IPO11: variants seen among roughly 807,000 people sequenced by gnomAD.
IPO11 encodes the protein importin-11.
Under a neutral mutation model 143.2 loss-of-function variants are expected in IPO11, and 66 were observed. The observed-to-expected ratio is 0.46, with a 90% CI of 0.38 to 0.57. The LOEUF (loss-of-function observed/expected upper bound fraction) is 0.57, where lower values mean the gene tolerates loss of function less well. IPO11 is among the 20% of genes least tolerant of loss of function. The probability of loss-of-function intolerance (pLI) is 0.00; values close to 1 mark genes in which losing one functional copy is unlikely to be tolerated. For missense variants in IPO11, 1,026 were observed against 1,141.0 expected, an observed-to-expected ratio of 0.90 and a Z score of 1.45; for synonymous variants, 385 against 377.8, an observed-to-expected ratio of 1.02 and a Z score of -0.22.
chr5:62,462,169 T>G (rs1330441200), intron 5 of IPO11, among the ~76,000 whole-genome samples: 2 of 152,216 alleles, frequency 1.3e-5, no homozygotes, highest in Non-Finnish European at 2.9e-5. Context: ...AGAGTGGAAT[T>G]ACTGAATTAC....
chr5:62,521,134 C>G (rs1321587499), intron 20 of IPO11, among the ~76,000 whole-genome samples: 7 of 152,200 alleles, frequency 4.6e-5, no homozygotes, highest in African/African-American at 1.2e-4. Flanking sequence ...GCTGTTGTAA[C>G]TGGATTTTCT....
Position 62,565,696 on chromosome 5 carries a change from A to T in IPO11, c.2582+4439A>T, listed in dbSNP as rs1472775857. 3.3e-5 allele frequency among the ~76,000 whole-genome samples: 5 copies of T among 152,108 alleles called. No individual in the cohort carries two copies. The East Asian group carries it at 9.7e-4, about 29-fold the overall frequency. On this transcript the variant is annotated intron_variant, in intron 27 of 29. Coordinates refer to ENST00000325324, the MANE Select transcript of IPO11 (RefSeq NM_016338.5). ...TTAAGTTCCAGGATACAAATACAGA[A>T]CGTGTAGGTTTCAGCCCATCATCTG...
At chr5:62,499,570 T>G (rs7715020) in intron 16 of IPO11, among the ~76,000 whole-genome samples, 1,731 of 24,046 alleles carry the variant, frequency 0.072, 38 homozygotes, top group African/African-American at 0.16. Flanking sequence ...TTACTCTAAC[T>G]TTTTTTTTTT....
At chr5:62,529,696 T>G (rs1282398710) in intron 21 of IPO11, among the ~76,000 whole-genome samples, 1 of 152,200 alleles carries the variant, frequency 6.6e-6, no homozygotes, top group Non-Finnish European at 1.5e-5. Context: ...TTCTTTACAG[T>G]TTTGATAGCA....
At chr5:62,520,688 A>G (rs1359836641) in intron 20 of IPO11, among the ~76,000 whole-genome samples, 2 of 152,152 alleles carry the variant, frequency 1.3e-5, no homozygotes, top group Admixed American at 6.5e-5. Flanking sequence ...CCATGTCCCT[A>G]CAAAGGATGG....
intron 15 of IPO11, among the ~76,000 whole-genome samples, chr5:62,490,873 A>G (rs1480848325): frequency 1.3e-5 from 2 of 152,180 alleles, no homozygotes; most frequent in Non-Finnish European, 1.5e-5. Flanking sequence ...CTTGTGCCTC[A>G]GTCTCCTGAG....
intron 19 of IPO11, among the ~76,000 whole-genome samples, chr5:62,507,416 G>T (rs531534700): frequency 1.3e-5 from 2 of 152,234 alleles, no homozygotes; most frequent in African/African-American, 2.4e-5. Context: ...AACATTGAGA[G>T]AATTTGGTCA....
At chr5:62,526,307 C>A (rs763409161) in intron 21 of IPO11, 50 bp downstream of exon 21, 2 of 1,281,216 alleles carry the variant, frequency 1.6e-6, no homozygotes, top group Non-Finnish European at 2.3e-6. Flanking sequence ...CGTGACCTTT[C>A]CTACTCTCAT....
intron 19 of IPO11, among the ~76,000 whole-genome samples, chr5:62,510,159 C>A (rs1036118864): frequency 1.1e-4 from 17 of 151,898 alleles, no homozygotes; most frequent in African/African-American, 3.9e-4. Flanking sequence ...ACTGCAAAAA[C>A]TTTCTTAGTT....
Position 62,494,067 on chromosome 5 carries a change from C to T in IPO11, c.1533C>T (p.Asp511=). 1.2e-6 allele frequency: 2 copies of T among 1,613,408 alleles called. No individual in the cohort carries two copies. The highest frequency in any genetic ancestry group is 1.7e-6 in the Non-Finnish European group (2 of 1,179,592). ...GQWISVKFKS[D]LRPMLYEAIC... ...GGATTTCTGTGAAATTCAAGTCTGACTTAAGACCCATGCTTTATGAAGCAA... is the reference window on the plus strand; with the variant it reads ...GGATTTCTGTGAAATTCAAGTCTGATTTAAGACCCATGCTTTATGAAGCAA... The change falls in exon 16 of 30, where the codon GAC becomes GAT. Residue 511 remains aspartate (D), a synonymous_variant. Coordinates refer to ENST00000325324, the MANE Select transcript of IPO11 (RefSeq NM_016338.5).
chr5:62,473,724 A>G (rs192293213), intron 7 of IPO11, among the ~76,000 whole-genome samples: 4 of 152,284 alleles, frequency 2.6e-5, no homozygotes, highest in East Asian at 1.9e-4. Flanking sequence ...GATGTCTTCT[A>G]TGCTTAAATT....
At chr5:62,613,399 C>T (rs1318793589) in intron 29 of IPO11, among the ~76,000 whole-genome samples, 2 of 139,468 alleles carry the variant, frequency 1.4e-5, no homozygotes, top group Non-Finnish European at 3.0e-5. Context: ...ATCTGATGGG[C>T]TCAAGCCATC....
Position 62,423,280 on chromosome 5 carries a change from C to A in IPO11, c.-7+10351C>A, listed in dbSNP as rs535585931. On this transcript the variant is annotated intron_variant, in intron 1 of 29. Coordinates refer to ENST00000325324, the MANE Select transcript of IPO11 (RefSeq NM_016338.5). ...CTTTTCTGTCTTCTGTCTGAGAAAT[C>A]ATAATTTCTGTTACTGTTTAGTTGA... Among the ~76,000 whole-genome samples, 59 of 152,296 alleles carry A rather than the reference C, an allele frequency of 3.9e-4. No homozygotes were observed. In the South Asian group the frequency reaches 0.012, roughly 30 times the overall value.
At chr5:62,528,798 G>A (rs1292721776) in intron 21 of IPO11, among the ~76,000 whole-genome samples, 1 of 152,166 alleles carries the variant, frequency 6.6e-6, no homozygotes. Flanking sequence ...AAGGTATAAA[G>A]TAGATATCTT....
In IPO11 at chr5:62,516,693, GCTTT is replaced by G. The variant is rs540142459; in HGVS notation, c.1896+1197_1896+1200del. On this transcript the variant is annotated intron_variant, in intron 20 of 29. Coordinates refer to ENST00000325324, the MANE Select transcript of IPO11 (RefSeq NM_016338.5). ...AAATATTTTTAATGTACATTTCCCTGCTTTCTTTTTTTTACTGTGGTAAAATACA... is the reference window on the plus strand; with the variant it reads ...AAATATTTTTAATGTACATTTCCCTGCTTTTTTTTACTGTGGTAAAATACA... 2.8e-4 allele frequency among the ~76,000 whole-genome samples: 42 copies of G among 152,134 alleles called. No homozygotes were observed. In the South Asian group the frequency reaches 7.9e-3, roughly 29 times the overall value.
intron 12 of IPO11, among the ~76,000 whole-genome samples, chr5:62,486,543 T>A (rs182577764): frequency 1.5e-3 from 222 of 152,334 alleles, no homozygotes; most frequent in Admixed American, 2.6e-3. Flanking sequence ...TTTATTAATA[T>A]GACAAATGTT....
chr5:62,467,325 G>T (rs367843719), intron 6 of IPO11, 62 bp downstream of exon 6: 2 of 1,510,524 alleles, frequency 1.3e-6, no homozygotes, highest in East Asian at 4.6e-5. Flanking sequence ...TCACCAAATA[G>T]TTCCTTTAGA....
At chr5:62,485,592 A>C in intron 12 of IPO11, 130 bp downstream of exon 12, 2 of 743,716 alleles carry the variant, frequency 2.7e-6, no homozygotes. Flanking sequence ...TAATCCTAGC[A>C]CTTTGGGAAG....
intron 27 of IPO11, among the ~76,000 whole-genome samples, chr5:62,587,558 T>C (rs977877759): frequency 6.6e-6 from 1 of 152,216 alleles, no homozygotes; most frequent in Non-Finnish European, 1.5e-5. Flanking sequence ...TTTCCCAGTT[T>C]TCTAATATAA....
Sources: allele counts gnomAD v4.1 joint callset (sites outside exome capture counted in the v4.1 genomes callset), GRCh38; gene constraint gnomAD v4.1.1; transcripts MANE v1.5; gene names NCBI Gene and HGNC (gene_info 2026-07-23, HGNC 2026-07-21).